The following ALCAM variants were observed in gnomAD, a reference collection of about 807,000 sequenced individuals.
ALCAM encodes activated leukocyte cell adhesion molecule.
Under a neutral mutation model 70.9 loss-of-function variants are expected in ALCAM, and 30 were observed. The observed-to-expected ratio is 0.42, with a 90% CI of 0.32 to 0.57. ALCAM has a LOEUF of 0.57. ALCAM is among the 20% of genes least tolerant of loss of function. The pLI, the probability that ALCAM is intolerant of heterozygous loss-of-function variation, is 0.11. For synonymous variants in ALCAM, 249 were observed against 242.5 expected (o/e 1.03, Z -0.25); for missense variants, 591 against 695.1 (o/e 0.85, Z 1.68).
intron 1 of ALCAM, among the ~76,000 whole-genome samples, chr3:105,426,806 G>A (rs1936801326): frequency 6.6e-6 from 1 of 151,780 alleles, no homozygotes; most frequent in African/African-American, 2.4e-5. Context: ...TTGGACATAA[G>A]TATGGCTATG....
At chr3:105,555,526 C>G (rs1470925436) in intron 14 of ALCAM, among the ~76,000 whole-genome samples, 1 of 151,992 alleles carries the variant, frequency 6.6e-6, no homozygotes, top group Non-Finnish European at 1.5e-5. Context: ...TTAAGAATGT[C>G]TAACGCCATT....
chr3:105,395,138 C>T (rs989776719), intron 1 of ALCAM, among the ~76,000 whole-genome samples: 1 of 151,674 alleles, frequency 6.6e-6, no homozygotes, highest in African/African-American at 2.4e-5. Context: ...CAAATGACCG[C>T]CCTGCCAACT....
intron 14 of ALCAM, among the ~76,000 whole-genome samples, chr3:105,565,518 T>C (rs559607264): frequency 5.9e-5 from 9 of 152,306 alleles, no homozygotes; most frequent in Admixed American, 3.9e-4. Flanking sequence ...TATACTAATG[T>C]TTTCCTCTAA....
rs1257932921 is a variant in ALCAM, at chr3:105,534,757, A to G, written c.642A>G (p.Ile214Met). 1.2e-6 allele frequency: 2 copies of G among 1,613,870 alleles called. No individual in the cohort carries two copies. Among genetic ancestry groups the G allele is most frequent in the Non-Finnish European group, 8.5e-7 (1 of 1,179,826 alleles). Residue 214 changes from isoleucine (I) to methionine (M), a missense_variant, in exon 6 of 16, where the codon ATA (isoleucine) becomes ATG (methionine). Around this residue, in one of 2 missense-constraint regions of ALCAM, gnomAD observed 427 missense variants for 450.4 expected, o/e 0.95. Transcript: ENST00000306107. ...TLEYKTTKAD[I>M]QMPFTCSVTY... ...AGTACAAGACAACCAAGGCTGACAT[A>G]CAAATGCCATTCACCTGCTCGGTGA...
chr3:105,571,856 G>T lies in ALCAM; in HGVS notation c.1669G>T (p.Ala557Ser). ...YWLYMKKSKT[A>S]SKHVNKDLGN... is the part of the protein sequence containing the mutation. ...GTTTATTTAATTCTCTTACAGGACT[G>T]CATCAAAACATGTAAACAAGGACCT... is the stretch of plus-strand genomic sequence containing the variant. The change falls in exon 15 of 16, where the codon GCA (alanine) becomes TCA (serine). Residue 557 changes from alanine to serine, a missense_variant. By Grantham distance (99) the Ala-to-Ser change is moderately conservative. Coordinates refer to ENST00000306107, the MANE Select transcript of ALCAM (RefSeq NM_001627.4). The T allele has an allele frequency of 6.2e-7, 1 of 1,607,180 alleles. No homozygotes were observed. The highest frequency in any genetic ancestry group is 8.5e-7 in the Non-Finnish European group (1 of 1,174,486).
intron 14 of ALCAM, among the ~76,000 whole-genome samples, chr3:105,559,893 GCTT>G (rs1940597115): frequency 6.6e-6 from 1 of 152,010 alleles, no homozygotes; most frequent in African/African-American, 2.4e-5. Context: ...CCTATGAGTG[GCTT>G]CTTTTTTTAT....
intron 3 of ALCAM, among the ~76,000 whole-genome samples, chr3:105,526,876 G>A (rs1165754612): frequency 6.6e-6 from 1 of 152,140 alleles, no homozygotes; most frequent in Admixed American, 6.6e-5. Context: ...GAATCACTTA[G>A]CAACGTGCAC....
At chr3:105,417,545 G>A (rs917157369) in intron 1 of ALCAM, among the ~76,000 whole-genome samples, 4 of 151,632 alleles carry the variant, frequency 2.6e-5, no homozygotes, top group Non-Finnish European at 4.4e-5. Flanking sequence ...AAATCCCAGC[G>A]CGGCCACTTG....
Position 105,525,009 on chromosome 3 carries a change from T to C in ALCAM, c.394+501T>C, listed in dbSNP as rs1438354286. On this transcript the variant is annotated intron_variant, in intron 3 of 15. Transcript: ENST00000306107. ...TTTTCCATTTATATATATCCACATA[T>C]ATAAATATCCCATATATATCCACAT... The C allele has an allele frequency of 3.2e-6, 3 of 928,990 alleles. No homozygotes were observed. The African/African-American group carries it at 5.4e-5, about 17-fold the overall frequency. The allele number at this position is 928,990 out of a possible 1,614,324, so 57.5% of individuals were successfully genotyped here. A position where few individuals can be genotyped will look rare whatever the true frequency, so the allele number is the denominator to read the frequency against.
intron 1 of ALCAM, among the ~76,000 whole-genome samples, chr3:105,421,529 T>C (rs1163682227): frequency 6.6e-6 from 1 of 151,508 alleles, no homozygotes; most frequent in Admixed American, 6.6e-5. Context: ...ATCTAGTCTT[T>C]TCCTCAGCCT....
At chr3:105,443,821 T>C (rs2152585960) in intron 1 of ALCAM, among the ~76,000 whole-genome samples, 1 of 152,212 alleles carries the variant, frequency 6.6e-6, no homozygotes, top group East Asian at 1.9e-4. Context: ...TTTTACATTA[T>C]TAGAGAGATG....
chr3:105,389,565 TA>T (rs1935757692), intron 1 of ALCAM, among the ~76,000 whole-genome samples: 1 of 151,392 alleles, frequency 6.6e-6, no homozygotes, highest in South Asian at 2.1e-4. Context: ...AAATTAGTAT[TA>T]TTTTTTATTT....
At position 105,575,445 on chromosome 3, in the gene ALCAM, C is replaced by T. The variant is rs1161939822; in HGVS notation, c.*994C>T. The stretch of plus-strand genomic sequence containing the variant: ...ATTATCAAAGCTGTGTTATTTTCCA[C>T]AGAATATAGAATATATATTTTTTTC... On this transcript the variant is annotated 3_prime_UTR_variant, in exon 16 of 16. Coordinates refer to ENST00000306107, the MANE Select transcript of ALCAM (RefSeq NM_001627.4). 1.3e-5 allele frequency: 2 copies of T among 152,482 alleles called. No homozygotes were observed. Among genetic ancestry groups the T allele is most frequent in the Non-Finnish European group, 2.9e-5 (2 of 68,018 alleles). 9.4% of individuals were successfully genotyped at this position (152,482 alleles called of 1,614,324 possible).
At chr3:105,384,651 A>G (rs1265885765) in intron 1 of ALCAM, among the ~76,000 whole-genome samples, 4 of 151,626 alleles carry the variant, frequency 2.6e-5, no homozygotes, top group African/African-American at 7.2e-5. Context: ...ATAAACCAAT[A>G]TAAATACAAC....
At chr3:105,492,867 A>G (rs1230023762) in intron 1 of ALCAM, among the ~76,000 whole-genome samples, 1 of 152,226 alleles carries the variant, frequency 6.6e-6, no homozygotes, top group Non-Finnish European at 1.5e-5. Context: ...CTTTTTCAAA[A>G]CTTAATTCCA....
At chr3:105,403,367 AC>A (rs1349024512) in intron 1 of ALCAM, among the ~76,000 whole-genome samples, 2 of 152,096 alleles carry the variant, frequency 1.3e-5, no homozygotes, top group Non-Finnish European at 2.9e-5. Context: ...TGATACCTTC[AC>A]CGGAGCAGGC....
intron 1 of ALCAM, among the ~76,000 whole-genome samples, chr3:105,517,897 G>A (rs913484397): frequency 9.2e-5 from 14 of 152,078 alleles, no homozygotes; most frequent in African/African-American, 3.4e-4. Flanking sequence ...TTAGATGCTA[G>A]GCGTTGTTTC....
At chr3:105,368,265 A>AGAGAGAGAGAGAC (rs1553716633) in intron 1 of ALCAM, among the ~76,000 whole-genome samples, 1 of 25,916 alleles carries the variant, frequency 3.9e-5, no homozygotes, top group Non-Finnish European at 9.1e-5. Flanking sequence ...GAGAGAGAGA[A>AGAGAGAGAGAGAC]AAGGCAAAAT....
chr3:105,394,884 A>C (rs1393688424), intron 1 of ALCAM, among the ~76,000 whole-genome samples: 1 of 151,932 alleles, frequency 6.6e-6, no homozygotes, highest in African/African-American at 2.4e-5. Context: ...GTTTTTTCTG[A>C]GCCTATTATA....
Sources: gnomAD v4.1 joint callset for allele counts (sites outside exome capture counted in the v4.1 genomes callset) on GRCh38, gnomAD v4.1.1 for gene constraint, gnomAD v4.1.1 regional missense constraint, MANE v1.5 for transcripts, NCBI Gene and HGNC (gene_info 2026-07-23, HGNC 2026-07-21) for gene names.